The following GAD2 variants were observed in gnomAD, a reference collection of about 807,000 sequenced individuals.
The protein encoded by GAD2 is glutamate decarboxylase 2, also known as 65 kDa glutamic acid decarboxylase.
GAD2 carries 22 observed loss-of-function variants against 80.1 expected under a neutral mutation model. The observed-to-expected ratio is 0.27, with a 90% CI of 0.20 to 0.39. The LOEUF (loss-of-function observed/expected upper bound fraction) is 0.39. GAD2 is among the 10% of genes least tolerant of loss of function. The pLI, the probability that GAD2 is intolerant of heterozygous loss-of-function variation, is 1.00. For synonymous variants in GAD2, 274 were observed against 256.9 expected (o/e 1.07, Z -0.64); for missense variants, 624 against 738.4 (o/e 0.85, Z 1.80).
chr10:26,288,349 T>C (rs1430981658), intron 13 of GAD2, among the ~76,000 whole-genome samples: 1 of 152,178 alleles, frequency 6.6e-6, no homozygotes, highest in Non-Finnish European at 1.5e-5. Context: ...TACAAGAAGC[T>C]AAATATCAGG....
At chr10:26,252,203 T>A (rs1589144505) in intron 8 of GAD2, among the ~76,000 whole-genome samples, 1 of 152,096 alleles carries the variant, frequency 6.6e-6, no homozygotes, top group African/African-American at 2.4e-5. Context: ...AGTGGCTGGG[T>A]GATAGGTTTT....
intron 11 of GAD2, among the ~76,000 whole-genome samples, chr10:26,277,679 G>T (rs762112688): frequency 2.0e-5 from 3 of 152,134 alleles, no homozygotes; most frequent in Non-Finnish European, 2.9e-5. Context: ...CCTAGGAGAG[G>T]GGGAGAGAGA....
At chr10:26,249,155 C>T (rs1844847081) in intron 8 of GAD2, among the ~76,000 whole-genome samples, 1 of 152,114 alleles carries the variant, frequency 6.6e-6, no homozygotes, top group Non-Finnish European at 1.5e-5. Context: ...CTCTGCCTCC[C>T]GGGTTCAAGC....
At chr10:26,275,953 C>A (rs1055506097) in intron 11 of GAD2, among the ~76,000 whole-genome samples, 5 of 152,066 alleles carry the variant, frequency 3.3e-5, no homozygotes, top group South Asian at 4.1e-4. Context: ...CAGTTCAAGA[C>A]CCTTCTGGGT....
rs76738398 is a variant in GAD2 at position 26,256,981 on chromosome 10, A to G, written c.920+10981A>G. On this transcript the variant is annotated intron_variant, in intron 8 of 15. Coordinates refer to ENST00000376261, the MANE Select transcript of GAD2 (RefSeq NM_001134366.2). ...TAACTCCGTCATTCCTTCTGTATTT[A>G]TTAGTCCTTTCATTCCACTGTAGGG... Among the ~76,000 whole-genome samples the G allele has an allele frequency of 8.5e-5, 13 of 152,234 alleles. No individual in the cohort carries two copies. The East Asian group carries it at 2.3e-3, about 27-fold the overall frequency.
rs573416754 is a variant in GAD2, at chr10:26,299,642, G to T, written c.1585-1146G>T. Among the ~76,000 whole-genome samples, 5 of 152,326 alleles carry T rather than the reference G, an allele frequency of 3.3e-5. No individual in the cohort carries two copies. In the East Asian group the frequency reaches 5.8e-4, roughly 18 times the overall value. On this transcript the variant is annotated intron_variant, in intron 15 of 15. Transcript: ENST00000376261. Reference sequence around the variant, plus strand: ...AAGAACAACAACAAAAACAGTAGAAGACACTGTGTCTGCCCTCCAGGACCT... The same window carrying T: ...AAGAACAACAACAAAAACAGTAGAATACACTGTGTCTGCCCTCCAGGACCT...
At chr10:26,292,861 C>G (rs1461086970) in intron 14 of GAD2, 41 bp from the exon 15 acceptor site, 1 of 1,539,340 alleles carries the variant, frequency 6.5e-7, no homozygotes, top group Non-Finnish European at 9.0e-7. Context: ...TTCAAAATTG[C>G]CAGCCTGGGC....
intron 8 of GAD2, among the ~76,000 whole-genome samples, chr10:26,261,086 C>G (rs1845004437): frequency 6.6e-6 from 1 of 152,196 alleles, no homozygotes; most frequent in South Asian, 2.1e-4. Context: ...AAAAAGAAAA[C>G]AAAACTCTCT....
chr10:26,238,919 G>T (rs540353558), intron 7 of GAD2, among the ~76,000 whole-genome samples: 2 of 152,300 alleles, frequency 1.3e-5, no homozygotes, highest in African/African-American at 4.8e-5. Context: ...GGTGTCAGAA[G>T]GATGTGAAGG....
At chr10:26,231,348 A>G (rs761920376) in intron 7 of GAD2, among the ~76,000 whole-genome samples, 7 of 152,092 alleles carry the variant, frequency 4.6e-5, no homozygotes, top group Non-Finnish European at 7.4e-5. Context: ...TAAGTGAGGT[A>G]TGTGTATCTA....
rs749623422 is a variant in GAD2 at position 26,217,998 on chromosome 10, A to T, written c.286+7A>T. 6 of 1,595,530 alleles carry T rather than the reference A, an allele frequency of 3.8e-6. No individual in the cohort carries two copies. The highest frequency in any genetic ancestry group is 3.3e-4 in the Middle Eastern group (2 of 5,994). On this transcript the variant is annotated splice_region_variant and intron_variant, in intron 3 of 15. Coordinates refer to ENST00000376261, the MANE Select transcript of GAD2 (RefSeq NM_001134366.2). This position sits in a 1 kb window ranked among gnomAD's most constrained non-coding sequence, Gnocchi z 4.9. ...GCGTTTCTCCATGCAACAGGTAAAG[A>T]CTCAGCGGGGAGCCCCGGGGCGCCC...
Position 26,249,309 on chromosome 10 carries a change from G to A in GAD2, c.920+3309G>A, listed in dbSNP as rs184261961. 1.2e-4 allele frequency among the ~76,000 whole-genome samples: 19 copies of A among 152,290 alleles called. 1 individual carries two copies. Among genetic ancestry groups the A allele is most frequent in the African/African-American group, 3.8e-4 (16 of 41,562 alleles). ...ACTCCTGACCTGAGATGATCCGTCC[G>A]CCTCGGCCTCTCAAAGTGCTGGGAG... On this transcript the variant is annotated intron_variant, in intron 8 of 15. Transcript: ENST00000376261.
chr10:26,218,269 G>C (rs1200123216), intron 3 of GAD2: 2 of 359,064 alleles, frequency 5.6e-6, no homozygotes, highest in Non-Finnish European at 5.0e-6. Context: ...CGATCCAGGC[G>C]CTCGTGCGCT....
chr10:26,263,613 T>C (rs1325066917), intron 8 of GAD2, among the ~76,000 whole-genome samples: 6 of 152,236 alleles, frequency 3.9e-5, no homozygotes, highest in Admixed American at 2.6e-4. Context: ...TCTGTGCAAT[T>C]TGAAAATTCA....
intron 8 of GAD2, among the ~76,000 whole-genome samples, chr10:26,246,372 GATTAC>G (rs1844810987): frequency 6.6e-6 from 1 of 152,184 alleles, no homozygotes; most frequent in Non-Finnish European, 1.5e-5. Context: ...TTGATGGGGT[GATTAC>G]AGGAGGGGAC....
rs1189585091 is a variant in GAD2 at position 26,229,709 on chromosome 10, A to G, written c.772A>G (p.Met258Val). ...MYAMMIARFK[M>V]FPEVKEKGMA... is the part of the protein sequence containing the mutation. ...TGCCATGATGATCGCACGCTTTAAG[A>G]TGTTCCCAGAAGTCAAGGAGAAAGG... Residue 258 changes from methionine (M) to valine (V), a missense_variant, in exon 7 of 16, where the codon ATG (methionine) becomes GTG (valine). Coordinates refer to ENST00000376261, the MANE Select transcript of GAD2 (RefSeq NM_001134366.2). The G allele has an allele frequency of 3.7e-6, 6 of 1,614,182 alleles. No individual in the cohort carries two copies. Among genetic ancestry groups the G allele is most frequent in the Non-Finnish European group, 5.1e-6 (6 of 1,180,032 alleles).
intron 15 of GAD2, among the ~76,000 whole-genome samples, chr10:26,295,284 G>A (rs927959985): frequency 2.6e-5 from 4 of 152,058 alleles, no homozygotes; most frequent in African/African-American, 7.2e-5. Flanking sequence ...GAAAATCTCC[G>A]GGGATTGCAG....
At chr10:26,230,292 G>A (rs762477610) in intron 7 of GAD2, among the ~76,000 whole-genome samples, 12 of 152,224 alleles carry the variant, frequency 7.9e-5, no homozygotes, top group Non-Finnish European at 1.8e-4. Context: ...CAGAGGGACT[G>A]TGAGCTCATT....
intron 15 of GAD2, among the ~76,000 whole-genome samples, chr10:26,293,681 C>T (rs563677439): frequency 7.9e-5 from 12 of 152,150 alleles, no homozygotes; most frequent in East Asian, 7.7e-4. Context: ...TAGCAAACAA[C>T]GCTGCTGCTG....
Sources: allele counts gnomAD v4.1 joint callset (sites outside exome capture counted in the v4.1 genomes callset), GRCh38; gene constraint gnomAD v4.1.1; non-coding constraint Gnocchi (gnomAD v3.1); transcripts MANE v1.5; gene names NCBI Gene and HGNC (gene_info 2026-07-23, HGNC 2026-07-21).